KCNMA1: variants seen among roughly 807,000 people sequenced by gnomAD.
The protein encoded by KCNMA1 is potassium calcium-activated channel subfamily M alpha 1, also known as Calcium-activated potassium channel subunit alpha-1.
Under a neutral mutation model 140.0 loss-of-function variants are expected in KCNMA1, and 29 were observed. That is an observed-to-expected ratio of 0.21 (90% CI 0.15 to 0.28). KCNMA1 has a LOEUF of 0.28. Among genes scored for constraint, KCNMA1 ranks in the 10% least tolerant of loss-of-function variants. The pLI is 1.00. For missense variants in KCNMA1, 880 were observed against 1,602.2 expected, an observed-to-expected ratio of 0.55 and a Z score of 7.70; for synonymous variants, 612 against 611.9, an observed-to-expected ratio of 1.00 and a Z score of 0.00.
intron 1 of KCNMA1, among the ~76,000 whole-genome samples, chr10:77,596,815 G>T (rs185313086): frequency 5.3e-5 from 8 of 152,270 alleles, no homozygotes; most frequent in African/African-American, 1.2e-4. Context: ...AAAAAAGAGC[G>T]AATGATATTG....
At chr10:76,958,784 A>T (rs1214561705) in intron 20 of KCNMA1, among the ~76,000 whole-genome samples, 1 of 152,124 alleles carries the variant, frequency 6.6e-6, no homozygotes, top group African/African-American at 2.4e-5. Context: ...CCAGACTTTC[A>T]TCTCAGACTT....
intron 11 of KCNMA1, 101 bp from the exon 12 acceptor site, chr10:77,084,820 A>AC: frequency 1.2e-6 from 1 of 809,470 alleles, no homozygotes; most frequent in Non-Finnish European, 2.1e-6. Flanking sequence ...AGCTTTGCAA[A>AC]GAAAAAAAAA....
chr10:76,985,572 T>C (rs2081037720), intron 19 of KCNMA1, among the ~76,000 whole-genome samples: 1 of 152,192 alleles, frequency 6.6e-6, no homozygotes, highest in Non-Finnish European at 1.5e-5. Context: ...ATTTTTAAAA[T>C]AGCAATAGAG....
rs756956844 is a variant in KCNMA1, at chr10:77,184,962, T to A, written c.603-46A>T. Reference sequence around the variant, plus strand: ...AAAGCAAGAGGTAAATGACAGGTAGTATCATCCTGTCTCCCACGATGCTGA... The same window carrying A: ...AAAGCAAGAGGTAAATGACAGGTAGAATCATCCTGTCTCCCACGATGCTGA... On this transcript the variant is annotated intron_variant, in intron 3 of 27. Coordinates refer to ENST00000286628, the MANE Select transcript of KCNMA1 (RefSeq NM_001161352.2). 8.3e-6 allele frequency: 9 copies of A among 1,079,430 alleles called. No individual in the cohort carries two copies. In the African/African-American group the frequency reaches 1.2e-4, roughly 15 times the overall value. 66.9% of individuals were successfully genotyped at this position (1,079,430 alleles called of 1,614,324 possible).
chr10:77,427,764 T>TATTG (rs1293384894), intron 1 of KCNMA1, among the ~76,000 whole-genome samples: 24 of 148,754 alleles, frequency 1.6e-4, no homozygotes, highest in African/African-American at 5.6e-4. Context: ...TTTATTTATT[T>TATTG]ATTGAGATGG....
chr10:77,000,881 T>A (rs183738988), intron 19 of KCNMA1, among the ~76,000 whole-genome samples: 30,901 of 100,142 alleles, frequency 0.31, 6,786 homozygotes, highest in Middle Eastern at 0.37. Context: ...TATATATATA[T>A]ATATATATAT....
At chr10:77,186,777 A>ATGTGTGTG (rs10594438) in intron 3 of KCNMA1, among the ~76,000 whole-genome samples, 100 of 145,206 alleles carry the variant, frequency 6.9e-4, no homozygotes, top group Non-Finnish European at 7.4e-4. Context: ...TAAAGAGTAA[A>ATGTGTGTG]TGTGTGTGTG....
At chr10:76,997,696 C>T (rs1166477505) in intron 19 of KCNMA1, among the ~76,000 whole-genome samples, 1 of 152,164 alleles carries the variant, frequency 6.6e-6, no homozygotes, top group Non-Finnish European at 1.5e-5. Context: ...TTGGAATCTA[C>T]TTCTATATTT....
At chr10:77,011,939 A>T in intron 18 of KCNMA1, 28 bp downstream of exon 18, 1 of 1,586,690 alleles carries the variant, frequency 6.3e-7, no homozygotes, top group Non-Finnish European at 8.7e-7. Flanking sequence ...TGAGAAAGGG[A>T]GGGGACAGGG....
At chr10:77,346,352 G>T (rs1256146817) in intron 2 of KCNMA1, among the ~76,000 whole-genome samples, 1 of 152,130 alleles carries the variant, frequency 6.6e-6, no homozygotes, top group Non-Finnish European at 1.5e-5. Flanking sequence ...AATTTAGTAA[G>T]AAAAGCATAT....
chr10:77,614,676 CT>C (rs1484280954), intron 1 of KCNMA1, among the ~76,000 whole-genome samples: 1 of 152,170 alleles, frequency 6.6e-6, no homozygotes, highest in Non-Finnish European at 1.5e-5. Context: ...GGGTAGACAA[CT>C]TGCCCAAGAC....
intron 2 of KCNMA1, among the ~76,000 whole-genome samples, chr10:77,325,892 G>T (rs2083985990): frequency 6.6e-6 from 1 of 152,060 alleles, no homozygotes; most frequent in Non-Finnish European, 1.5e-5. Flanking sequence ...CAAACCCTTA[G>T]CAAGCCACTG....
chr10:77,616,119 C>T (rs2089392067), intron 1 of KCNMA1, among the ~76,000 whole-genome samples: 1 of 152,154 alleles, frequency 6.6e-6, no homozygotes, highest in African/African-American at 2.4e-5. Context: ...AGGCTAAGAG[C>T]CTCACAAGAC....
chr10:77,511,303 T>A (rs142028780), intron 1 of KCNMA1, among the ~76,000 whole-genome samples: 24 of 152,288 alleles, frequency 1.6e-4, no homozygotes, highest in Non-Finnish European at 3.2e-4. Flanking sequence ...CACATACAAG[T>A]TTAATACAGG....
chr10:77,007,673 A>ATATATATATATATATATG (rs201799760), intron 18 of KCNMA1, among the ~76,000 whole-genome samples: 3 of 142,504 alleles, frequency 2.1e-5, no homozygotes, highest in East Asian at 4.1e-4. Context: ...ATATATATAT[A>ATATATATATATATATATG]TATGTATCAC....
chr10:77,129,537 T>C (rs1476458383), intron 5 of KCNMA1, among the ~76,000 whole-genome samples: 2 of 152,202 alleles, frequency 1.3e-5, no homozygotes, highest in Non-Finnish European at 2.9e-5. Context: ...TTAAAGAACA[T>C]ACTGGCTAAC....
At chr10:76,945,025 G>T in intron 22 of KCNMA1, 60 bp from the exon 23 acceptor site, 1 of 1,406,154 alleles carries the variant, frequency 7.1e-7, no homozygotes, top group Non-Finnish European at 1.0e-6. Context: ...CAGAGAGAGA[G>T]AGAGAGGAGC....
At chr10:76,914,596 C>T (rs1309166429) in intron 24 of KCNMA1, 7 of 353,952 alleles carry the variant, frequency 2.0e-5, no homozygotes, top group Admixed American at 4.2e-5. Context: ...GAGGTTCTTA[C>T]AGTAAAAATC....
At chr10:76,927,233 G>A (rs1247480843) in intron 23 of KCNMA1, among the ~76,000 whole-genome samples, 1 of 152,026 alleles carries the variant, frequency 6.6e-6, no homozygotes, top group African/African-American at 2.4e-5. Context: ...TTTGCCCAGA[G>A]GATAAAACTT....
Sources: gnomAD v4.1 joint callset for allele counts (sites outside exome capture counted in the v4.1 genomes callset) on GRCh38, gnomAD v4.1.1 for gene constraint, MANE v1.5 for transcripts, NCBI Gene and HGNC (gene_info 2026-07-23, HGNC 2026-07-21) for gene names.